Variants in FHOD3 observed in about 807,000 individuals in gnomAD.
The protein encoded by FHOD3 is formin homology 2 domain containing 3, also known as FH1/FH2 domain-containing protein 3.
A neutral mutation model predicts 173.0 loss-of-function variants in FHOD3; 90 were observed. The ratio of observed to expected loss-of-function variants is 0.52; its 90% CI spans 0.44 to 0.62. The LOEUF is 0.62. Among genes scored for constraint, FHOD3 ranks in the 20% least tolerant of loss-of-function variants. The pLI is 0.00. For synonymous variants in FHOD3, 828 were observed against 823.0 expected (o/e 1.01, Z -0.10); for missense variants, 1,945 against 2,034.7 (o/e 0.96, Z 0.85).
rs58493993 is a variant in FHOD3 at position 36,514,014 on chromosome 18, C to CTTTTTTTTT, written c.511+1475_511+1483dup. On this transcript the variant is annotated intron_variant, in intron 5 of 28. Coordinates refer to ENST00000590592, the MANE Select transcript of FHOD3 (RefSeq NM_001281740.3). ...ATTGCTGAATTTTGCTATTTCTATT[C>CTTTTTTTTT]TTTTTTTTTTTTGAGATGGAGTCTT... Among the ~76,000 whole-genome samples, 58 of 104,656 alleles carry CTTTTTTTTT rather than the reference C, an allele frequency of 5.5e-4. 4 individuals are homozygous for CTTTTTTTTT. Among genetic ancestry groups the CTTTTTTTTT allele is most frequent in the African/African-American group, 2.0e-3 (54 of 27,416 alleles). 68.7% of individuals were successfully genotyped at this position (104,656 alleles called of 152,430 possible).
chr18:36,602,204 C>T (rs2031482858), intron 7 of FHOD3, among the ~76,000 whole-genome samples: 1 of 152,190 alleles, frequency 6.6e-6, no homozygotes. Context: ...TAATATACTT[C>T]CGTTCTTGAG....
chr18:36,447,080 T>C (rs1024778707), intron 3 of FHOD3, among the ~76,000 whole-genome samples: 2 of 152,140 alleles, frequency 1.3e-5, no homozygotes, highest in Non-Finnish European at 2.9e-5. Context: ...GGATTTGAGA[T>C]AGATCTTATA....
At chr18:36,366,740 T>A (rs972697661) in intron 2 of FHOD3, among the ~76,000 whole-genome samples, 3 of 152,190 alleles carry the variant, frequency 2.0e-5, no homozygotes, top group Non-Finnish European at 4.4e-5. Flanking sequence ...CAAATCCTCC[T>A]CCATCTCTTT....
intron 5 of FHOD3, among the ~76,000 whole-genome samples, chr18:36,543,266 T>A (rs146970174): frequency 2.0e-5 from 3 of 152,276 alleles, no homozygotes; most frequent in Admixed American, 6.5e-5. Context: ...ACATATTATA[T>A]GTATGTCAAT....
rs192656603 is a variant in FHOD3, at chr18:36,701,417, T to A, written c.2237-7678T>A. Among the ~76,000 whole-genome samples, 272 of 152,310 alleles carry A rather than the reference T, an allele frequency of 1.8e-3. 1 individual carries two copies. Among genetic ancestry groups the A allele is most frequent in the African/African-American group, 6.2e-3 (256 of 41,556 alleles). Reference sequence around the variant, plus strand: ...GAGAATAATTGAACCTGAAATTGCTTCTTTTTTATCCTGTATGATACTACA... The same window carrying A: ...GAGAATAATTGAACCTGAAATTGCTACTTTTTTATCCTGTATGATACTACA... On this transcript the variant is annotated intron_variant, in intron 17 of 28. Transcript: ENST00000590592.
At chr18:36,768,503 G>A (rs1302198332) in intron 27 of FHOD3, among the ~76,000 whole-genome samples, 1 of 152,176 alleles carries the variant, frequency 6.6e-6, no homozygotes, top group South Asian at 2.1e-4. Flanking sequence ...GGATATACTT[G>A]GGAGTACTGG....
At chr18:36,778,416 G>T (rs2043846872) in intron 28 of FHOD3, 1 of 152,200 alleles carries the variant, frequency 6.6e-6, no homozygotes, top group South Asian at 2.1e-4. Flanking sequence ...CCCAAACTCT[G>T]TGCGAACTTT....
At chr18:36,709,655 C>G (rs961048060) in intron 18 of FHOD3, 1 of 445,548 alleles carries the variant, frequency 2.2e-6, no homozygotes, top group African/African-American at 1.9e-5. Flanking sequence ...GAAAAGGGCC[C>G]CGATAAGGAG....
intron 15 of FHOD3, among the ~76,000 whole-genome samples, chr18:36,684,285 A>T (rs2038452905): frequency 6.6e-6 from 1 of 152,252 alleles, no homozygotes; most frequent in Admixed American, 6.5e-5. Flanking sequence ...TCTCATTACA[A>T]AATATGTAAA....
At chr18:36,763,578 TATA>T (rs1372213286) in intron 27 of FHOD3, among the ~76,000 whole-genome samples, 4 of 146,186 alleles carry the variant, frequency 2.7e-5, no homozygotes, top group East Asian at 1.9e-4. Flanking sequence ...ACACGTTATA[TATA>T]ATATGTGTAT....
intron 5 of FHOD3, among the ~76,000 whole-genome samples, chr18:36,570,938 T>C (rs1452397216): frequency 2.0e-5 from 3 of 152,138 alleles, no homozygotes; most frequent in Non-Finnish European, 4.4e-5. Context: ...TTATTAATGC[T>C]TTCTCCCTAA....
chr18:36,544,828 A>G (rs565453763), intron 5 of FHOD3: 1 of 152,214 alleles, frequency 6.6e-6, no homozygotes, highest in Non-Finnish European at 1.5e-5. Context: ...GTACTTTTCC[A>G]GCAATATAAA....
At chr18:36,439,567 G>A (rs9962280) in intron 3 of FHOD3, among the ~76,000 whole-genome samples, 67,792 of 145,884 alleles carry the variant, frequency 0.46, 15,935 homozygotes, top group South Asian at 0.55. Flanking sequence ...GTGTGTGTGT[G>A]TATGTATGTA....
chr18:36,376,542 T>C (rs943683764), intron 3 of FHOD3, among the ~76,000 whole-genome samples: 2 of 152,176 alleles, frequency 1.3e-5, no homozygotes, highest in Admixed American at 6.5e-5. Context: ...TGAGGTCTGC[T>C]TGTGAGGGAC....
intron 19 of FHOD3, among the ~76,000 whole-genome samples, chr18:36,729,250 C>T (rs2041231051): frequency 6.6e-6 from 1 of 152,190 alleles, no homozygotes; most frequent in South Asian, 2.1e-4. Flanking sequence ...TAGCCATCCT[C>T]CCAAGTGTGT....
chr18:36,407,737 G>A (rs2049140699), intron 3 of FHOD3, among the ~76,000 whole-genome samples: 1 of 152,224 alleles, frequency 6.6e-6, no homozygotes, highest in Non-Finnish European at 1.5e-5. Context: ...AGGATACAGA[G>A]TGTGCATTCC....
At chr18:36,705,015 G>A (rs922060616) in intron 17 of FHOD3, among the ~76,000 whole-genome samples, 8 of 151,786 alleles carry the variant, frequency 5.3e-5, no homozygotes, top group South Asian at 2.1e-4. Flanking sequence ...GGTTTGCTTC[G>A]TGGACTCTTG....
intron 3 of FHOD3, among the ~76,000 whole-genome samples, chr18:36,410,882 G>A (rs766823769): frequency 2.0e-5 from 3 of 151,922 alleles, no homozygotes; most frequent in Non-Finnish European, 4.4e-5. Flanking sequence ...AAATTTTGTA[G>A]GAGTTCTTTA....
chr18:36,569,177 AAGAC>A (rs1369809842), intron 5 of FHOD3, among the ~76,000 whole-genome samples: 1 of 152,332 alleles, frequency 6.6e-6, no homozygotes, highest in South Asian at 2.1e-4. Flanking sequence ...CAGTAATTAA[AAGAC>A]AGACATTAAT....
Sources: allele counts gnomAD v4.1 joint callset (sites outside exome capture counted in the v4.1 genomes callset), GRCh38; gene constraint gnomAD v4.1.1; transcripts MANE v1.5; gene names NCBI Gene and HGNC (gene_info 2026-07-23, HGNC 2026-07-21).